Variants in MAP3K13 observed in about 807,000 individuals in gnomAD.
MAP3K13 encodes the protein mitogen-activated protein kinase kinase kinase 13.
A neutral mutation model predicts 104.0 loss-of-function variants in MAP3K13; 52 were observed. The ratio of observed to expected loss-of-function variants is 0.50; its 90% confidence interval spans 0.40 to 0.63. MAP3K13 has a LOEUF of 0.63. MAP3K13 is among the 20% of genes least tolerant of loss of function. The pLI is 0.00. For missense variants in MAP3K13, 914 were observed against 1,218.5 expected (o/e 0.75, Z 3.72); for synonymous variants, 394 against 442.2 (o/e 0.89, Z 1.37).
chr3:185,471,451 C>CT (rs71164510), intron 10 of MAP3K13, among the ~76,000 whole-genome samples: 15,848 of 74,682 alleles, frequency 0.21, 2,858 homozygotes, highest in African/African-American at 0.27. Flanking sequence ...ACGACCTTTA[C>CT]TTTTTTTTTT....
At chr3:185,285,604 A>G (rs963473876) in exon 2 of MAP3K13, 6 of 1,534,430 alleles carry the variant, frequency 3.9e-6, no homozygotes, top group African/African-American at 1.4e-5. Context: ...ACATGAGTCA[A>G]TATGTATTGT....
chr3:185,367,581 C>A (rs1349306176), intron 1 of MAP3K13, among the ~76,000 whole-genome samples: 2 of 151,980 alleles, frequency 1.3e-5, no homozygotes, highest in African/African-American at 4.8e-5. Flanking sequence ...ATTTATTAAG[C>A]ACTTTCTACG....
chr3:185,481,947 G>A (rs1193832160), intron 13 of MAP3K13, among the ~76,000 whole-genome samples: 2 of 152,194 alleles, frequency 1.3e-5, no homozygotes, highest in African/African-American at 2.4e-5. Flanking sequence ...ATCCGGGCAT[G>A]GTGGCACGCG....
chr3:185,466,031 T>C (rs945052891), intron 9 of MAP3K13, among the ~76,000 whole-genome samples, 168 bp downstream of exon 9: 5 of 152,250 alleles, frequency 3.3e-5, no homozygotes, highest in Admixed American at 2.0e-4. Flanking sequence ...TGGCGAGGTA[T>C]ACAAATAAGT....
chr3:185,329,866 A>G (rs1722180893), intron 2 of MAP3K13, among the ~76,000 whole-genome samples: 2 of 148,268 alleles, frequency 1.3e-5, no homozygotes, highest in African/African-American at 5.0e-5. Context: ...ACTTTTAACT[A>G]TATAAAAGGT....
chr3:185,360,689 A>G (rs996002351), upstream of MAP3K13, among the ~76,000 whole-genome samples: 3 of 152,038 alleles, frequency 2.0e-5, no homozygotes, highest in African/African-American at 7.2e-5. Flanking sequence ...ATCTTAGGTG[A>G]CTGTTATTAG....
intron 8 of MAP3K13, among the ~76,000 whole-genome samples, chr3:185,464,480 AT>A (rs1717297131): frequency 6.6e-6 from 1 of 152,004 alleles, no homozygotes; most frequent in African/African-American, 2.4e-5. Context: ...TTCTCAGGAG[AT>A]CTGATGGTTT....
intron 1 of MAP3K13, among the ~76,000 whole-genome samples, chr3:185,416,237 C>G (rs1378822123): frequency 6.6e-6 from 1 of 152,124 alleles, no homozygotes; most frequent in Non-Finnish European, 1.5e-5. Context: ...CATCTTATCA[C>G]TTTCCTAAGG....
rs1367944798 is a variant in MAP3K13 at position 185,450,540 on chromosome 3, G to A, written c.1169+482G>A. On this transcript the variant is annotated intron_variant, in intron 6 of 13. Transcript: ENST00000265026. The surrounding 1 kb of genome is among the most constrained non-coding windows in gnomAD (Gnocchi z 4.2). Reference sequence around the variant, plus strand: ...CCAACACTTTGGCTGGCAGAGATGGGAGGATCACTTGAGGCGAGGAGTTCA... The same window carrying A: ...CCAACACTTTGGCTGGCAGAGATGGAAGGATCACTTGAGGCGAGGAGTTCA... Among the ~76,000 whole-genome samples, 1 of 152,120 alleles carries A rather than the reference G, an allele frequency of 6.6e-6. No homozygotes were observed. Among genetic ancestry groups the A allele is most frequent in the Non-Finnish European group, 1.5e-5 (1 of 68,028 alleles).
chr3:185,354,954 A>G (rs998783618), intron 2 of MAP3K13, among the ~76,000 whole-genome samples: 6 of 152,222 alleles, frequency 3.9e-5, no homozygotes, highest in Non-Finnish European at 7.3e-5. Flanking sequence ...GTTTCAATAG[A>G]TAACAGAGTT....
intron 1 of MAP3K13, among the ~76,000 whole-genome samples, chr3:185,420,871 G>A (rs1468090304): frequency 1.3e-5 from 2 of 152,100 alleles, no homozygotes; most frequent in Non-Finnish European, 2.9e-5. Flanking sequence ...TCTCTACATT[G>A]CATCCTGGGA....
At chr3:185,312,616 T>G (rs1721533195) in intron 2 of MAP3K13, among the ~76,000 whole-genome samples, 6 of 152,200 alleles carry the variant, frequency 3.9e-5, no homozygotes. Flanking sequence ...AAATTAACAT[T>G]TATCAAGTAA....
At chr3:185,421,539 G>T (rs2108796236) in intron 1 of MAP3K13, among the ~76,000 whole-genome samples, 1 of 152,240 alleles carries the variant, frequency 6.6e-6, no homozygotes, top group East Asian at 1.9e-4. Context: ...TTCCAAACTT[G>T]CCCTTTATCC....
At chr3:185,421,911 A>G (rs1714154848) in intron 1 of MAP3K13, among the ~76,000 whole-genome samples, 1 of 152,218 alleles carries the variant, frequency 6.6e-6, no homozygotes, top group Admixed American at 6.5e-5. Flanking sequence ...GAATATAGCC[A>G]TGGTGATGAT....
intron 12 of MAP3K13, 48 bp from the exon 13 acceptor site, chr3:185,480,184 A>G (rs1315665398): frequency 6.4e-7 from 1 of 1,560,398 alleles, no homozygotes; most frequent in Non-Finnish European, 8.7e-7. Flanking sequence ...AAGGAAAGAA[A>G]AGCAGTTGTT....
intron 11 of MAP3K13, 37 bp from the exon 12 acceptor site, chr3:185,477,289 T>C (rs754299783): frequency 7.4e-7 from 1 of 1,356,834 alleles, no homozygotes; most frequent in Admixed American, 1.7e-5. Flanking sequence ...AGAGTGACAC[T>C]AAAATAAATA....
intron 2 of MAP3K13, among the ~76,000 whole-genome samples, chr3:185,348,542 G>C (rs539766109): frequency 6.6e-6 from 1 of 152,264 alleles, no homozygotes; most frequent in Admixed American, 6.5e-5. Context: ...CACTACCATA[G>C]GGGACCTATG....
At chr3:185,335,918 G>A (rs151019215) in intron 2 of MAP3K13, among the ~76,000 whole-genome samples, 58 of 152,156 alleles carry the variant, frequency 3.8e-4, no homozygotes, top group African/African-American at 1.3e-3. Context: ...TTAACCCTTT[G>A]CTTCTCTGTA....
intron 10 of MAP3K13, 82 bp from the exon 11 acceptor site, chr3:185,472,893 G>A: frequency 7.9e-7 from 1 of 1,268,652 alleles, no homozygotes; most frequent in East Asian, 2.3e-5. Flanking sequence ...AAGGCTCTGT[G>A]TATTTTAAGT....
Sources: allele counts gnomAD v4.1 joint callset (sites outside exome capture counted in the v4.1 genomes callset), GRCh38; gene constraint gnomAD v4.1.1; non-coding constraint Gnocchi (gnomAD v3.1); transcripts MANE v1.5; gene names NCBI Gene and HGNC (gene_info 2026-07-23, HGNC 2026-07-21).